The following AGPAT5 variants were observed in gnomAD, a reference collection of about 807,000 sequenced individuals.
The protein encoded by AGPAT5 is 1-acyl-sn-glycerol-3-phosphate acyltransferase epsilon.
AGPAT5 carries 46 observed loss-of-function variants against 45.6 expected under a neutral mutation model. That is an observed-to-expected ratio of 1.01 (90% CI 0.80 to 1.29). The LOEUF (loss-of-function observed/expected upper bound fraction) is 1.29. AGPAT5 is among the 50% of genes most tolerant of loss of function. The pLI is 0.00. For missense variants in AGPAT5, 673 were observed against 450.7 expected, an observed-to-expected ratio of 1.49 and a Z score of -4.47; for synonymous variants, 272 against 167.0, an observed-to-expected ratio of 1.63 and a Z score of -4.85.
chr8:6,757,790 CTAAAG>C lies in AGPAT5; in HGVS notation c.*405_*409del, dbSNP rs1370082633. On this transcript the variant is annotated 3_prime_UTR_variant, in exon 8 of 8. Coordinates refer to ENST00000285518, the MANE Select transcript of AGPAT5 (RefSeq NM_018361.5). ...ACTTGACAGCTCCAAGCTCTTATTA[CTAAAG>C]TATTTAGTATCTTGCAGCTAGTTAA... The C allele has an allele frequency of 4.4e-5, 7 of 159,970 alleles. No individual in the cohort carries two copies. Among genetic ancestry groups the C allele is most frequent in the African/African-American group, 1.4e-4 (6 of 41,556 alleles). 9.9% of individuals were successfully genotyped at this position (159,970 alleles called of 1,614,324 possible).
Position 6,759,359 on chromosome 8 carries a change from C to T in AGPAT5, c.*1971C>T, listed in dbSNP as rs1287685327. 1 of 152,078 alleles carries T rather than the reference C, an allele frequency of 6.6e-6. No homozygotes were observed. Among genetic ancestry groups the T allele is most frequent in the Non-Finnish European group, 1.5e-5 (1 of 68,012 alleles). The allele number at this position is 152,078 out of a possible 1,614,324, so 9.4% of individuals were successfully genotyped here. A position where few individuals can be genotyped will look rare whatever the true frequency, so the allele number is the denominator to read the frequency against. ...TTTCATAGAACTATACTAATCTTCT[C>T]ACAAAAGGTCTATAAAATACAGTCG... On this transcript the variant is annotated 3_prime_UTR_variant, in exon 8 of 8. Transcript: ENST00000285518.
intron 4 of AGPAT5, among the ~76,000 whole-genome samples, chr8:6,736,098 C>T (rs182922561): frequency 5.9e-5 from 9 of 152,236 alleles, no homozygotes; most frequent in South Asian, 2.1e-4. Flanking sequence ...TTGATCCGCC[C>T]GCCTCGGCCC....
chr8:6,754,914 T>A lies in AGPAT5; in HGVS notation c.746-137T>A, dbSNP rs545890196. ...ATAATCCTTTTTTTTTAACTTTTGTTTATTTTTCCTAAGGAATCTGTACTT... is the reference window on the plus strand; with the variant it reads ...ATAATCCTTTTTTTTTAACTTTTGTATATTTTTCCTAAGGAATCTGTACTT... On this transcript the variant is annotated intron_variant, in intron 6 of 7. Transcript: ENST00000285518. 7.4e-6 allele frequency: 5 copies of A among 676,040 alleles called. No homozygotes were observed. The African/African-American group carries it at 9.5e-5, about 13-fold the overall frequency. The allele number at this position is 676,040 out of a possible 1,614,324, so 41.9% of individuals were successfully genotyped here. A position where few individuals can be genotyped will look rare whatever the true frequency, so the allele number is the denominator to read the frequency against.
chr8:6,720,742 T>G (rs1159654138), intron 1 of AGPAT5, among the ~76,000 whole-genome samples: 1 of 152,194 alleles, frequency 6.6e-6, no homozygotes, highest in African/African-American at 2.4e-5. Context: ...CTTTCTGGAT[T>G]TTGTTTTTCA....
intron 1 of AGPAT5, 48 bp downstream of exon 1, chr8:6,708,935 G>C: frequency 2.6e-6 from 4 of 1,551,314 alleles, no homozygotes; most frequent in Non-Finnish European, 3.5e-6. Context: ...CGAGCTCCCG[G>C]GGGCGCGGAC....
intron 5 of AGPAT5, among the ~76,000 whole-genome samples, chr8:6,747,347 T>C (rs988710324): frequency 6.6e-6 from 1 of 152,232 alleles, no homozygotes; most frequent in Non-Finnish European, 1.5e-5. Flanking sequence ...ATCACCTTTG[T>C]TCAGTGGCCA....
chr8:6,747,553 G>C, intron 5 of AGPAT5, 117 bp from the exon 6 acceptor site: 1 of 974,470 alleles, frequency 1.0e-6, no homozygotes, highest in Non-Finnish European at 1.5e-6. Context: ...TGAGGTTGTG[G>C]AATTAATAGA....
intron 5 of AGPAT5, among the ~76,000 whole-genome samples, chr8:6,742,711 G>A (rs1478298687): frequency 6.6e-6 from 1 of 152,132 alleles, no homozygotes. Flanking sequence ...ATAAGGGGGA[G>A]TTTTTACAAG....
At chr8:6,726,933 A>G (rs1322084522) in intron 2 of AGPAT5, among the ~76,000 whole-genome samples, 2 of 152,232 alleles carry the variant, frequency 1.3e-5, no homozygotes, top group Non-Finnish European at 2.9e-5. Flanking sequence ...TTTAGTCAGT[A>G]TATGACAGAG....
chr8:6,750,555 C>A (rs1001717679), intron 6 of AGPAT5, among the ~76,000 whole-genome samples: 17 of 152,190 alleles, frequency 1.1e-4, no homozygotes, highest in African/African-American at 3.9e-4. Context: ...TTATTTACAA[C>A]CTAGATCATA....
intron 5 of AGPAT5, among the ~76,000 whole-genome samples, chr8:6,744,989 G>C (rs1020772300): frequency 6.6e-6 from 1 of 152,222 alleles, no homozygotes; most frequent in African/African-American, 2.4e-5. Context: ...GTGTGGAGCA[G>C]TTCTTTTATT....
rs777280074 is a variant in AGPAT5, at chr8:6,757,148, C to A, written c.870-15C>A. 1.3e-6 allele frequency: 2 copies of A among 1,595,680 alleles called. No individual in the cohort carries two copies. The highest frequency in any genetic ancestry group is 4.5e-5 in the East Asian group (2 of 44,698). ...GAAGTGACTAAAATCTAAACTTTTT[C>A]CATTCTGGCCATAGGATGCTTATAG... On this transcript the variant is annotated splice_polypyrimidine_tract_variant and intron_variant, in intron 7 of 7. Coordinates refer to ENST00000285518, the MANE Select transcript of AGPAT5 (RefSeq NM_018361.5).
At chr8:6,713,646 C>T (rs7010486) in intron 1 of AGPAT5, among the ~76,000 whole-genome samples, 7,092 of 152,176 alleles carry the variant, frequency 0.047, 554 homozygotes, top group African/African-American at 0.16. Context: ...CCTCTGCCCC[C>T]GGGCTCAAGC....
chr8:6,735,691 TG>T (rs1801027201), intron 4 of AGPAT5, among the ~76,000 whole-genome samples: 1 of 151,996 alleles, frequency 6.6e-6, no homozygotes, highest in African/African-American at 2.4e-5. Context: ...TCAGTGTTGT[TG>T]TTGTTGTAGG....
chr8:6,745,323 G>C (rs943707654), intron 5 of AGPAT5: 1 of 154,376 alleles, frequency 6.5e-6, no homozygotes, highest in Non-Finnish European at 1.5e-5. Context: ...GTTTCTCCCA[G>C]CTTGCAAATG....
At chr8:6,734,755 G>T (rs1037070730) in intron 4 of AGPAT5, among the ~76,000 whole-genome samples, 4 of 152,074 alleles carry the variant, frequency 2.6e-5, no homozygotes, top group African/African-American at 9.6e-5. Flanking sequence ...TTGTCTTTCT[G>T]CTTGGCCTTT....
intron 1 of AGPAT5, among the ~76,000 whole-genome samples, chr8:6,719,715 A>G (rs1248497576): frequency 1.3e-5 from 2 of 152,232 alleles, no homozygotes; most frequent in Non-Finnish European, 2.9e-5. Context: ...CAAATTCATT[A>G]TTTACATTTT....
At chr8:6,751,997 T>A (rs1801672686) in intron 6 of AGPAT5, among the ~76,000 whole-genome samples, 1 of 152,070 alleles carries the variant, frequency 6.6e-6, no homozygotes, top group South Asian at 2.1e-4. Context: ...ACCAACACGG[T>A]GAAATCCCAT....
chr8:6,758,301 C>G lies in AGPAT5; in HGVS notation c.*913C>G, dbSNP rs1397221823. The G allele has an allele frequency of 6.6e-6, 1 of 152,590 alleles. No individual in the cohort carries two copies. Among genetic ancestry groups the G allele is most frequent in the Non-Finnish European group, 1.5e-5 (1 of 68,028 alleles). The allele number at this position is 152,590 out of a possible 1,614,324, so 9.5% of individuals were successfully genotyped here. A position where few individuals can be genotyped will look rare whatever the true frequency, so the allele number is the denominator to read the frequency against. On this transcript the variant is annotated 3_prime_UTR_variant, in exon 8 of 8. Coordinates refer to ENST00000285518, the MANE Select transcript of AGPAT5 (RefSeq NM_018361.5). Reference sequence around the variant, plus strand: ...TGATGAGAGCCTGCAGACATTCTGCCTAGATTTACTAGCGTGTGCCTTTTG... The same window carrying G: ...TGATGAGAGCCTGCAGACATTCTGCGTAGATTTACTAGCGTGTGCCTTTTG...
Sources: allele counts gnomAD v4.1 joint callset (sites outside exome capture counted in the v4.1 genomes callset), GRCh38; gene constraint gnomAD v4.1.1; transcripts MANE v1.5; gene names NCBI Gene and HGNC (gene_info 2026-07-23, HGNC 2026-07-21).